The following ZFC3H1 variants were observed in gnomAD, a reference collection of about 807,000 sequenced individuals.
The protein encoded by ZFC3H1 is zinc finger C3H1-type containing.
Under a neutral mutation model 243.7 loss-of-function variants are expected in ZFC3H1, and 71 were observed. The observed-to-expected ratio is 0.29, with a 90% confidence interval of 0.24 to 0.36. ZFC3H1 has a LOEUF of 0.36. Ranked by LOEUF, ZFC3H1 falls within the 10% of genes least tolerant of loss-of-function variation. The pLI, the probability that ZFC3H1 is intolerant of heterozygous loss-of-function variation, is 1.00. For missense variants in ZFC3H1, 1,966 were observed against 2,317.1 expected (o/e 0.85, Z 3.11); for synonymous variants, 838 against 813.0 (o/e 1.03, Z -0.52).
At chr12:71,631,661 T>C in intron 16 of ZFC3H1, 117 bp downstream of exon 16, 1 of 863,286 alleles carries the variant, frequency 1.2e-6, no homozygotes, top group Non-Finnish European at 1.7e-6. Flanking sequence ...AGGGTAAGTC[T>C]GGTTATCAAT....
Position 71,657,672 on chromosome 12 carries a change from C to T in ZFC3H1, c.599-371G>A, listed in dbSNP as rs146376176. ...GAAGGAAGAGGGGAGAAACTGAATG[C>T]TTTGTCACAGATGCGGATAGTTTAC... is the stretch of plus-strand genomic sequence containing the variant. On this transcript the variant is annotated intron_variant, in intron 1 of 34. Transcript: ENST00000378743. Among the ~76,000 whole-genome samples the T allele has an allele frequency of 1.6e-3, 250 of 152,226 alleles. 1 individual carries two copies. Among genetic ancestry groups the T allele is most frequent in the Non-Finnish European group, 2.9e-3 (194 of 68,010 alleles).
chr12:71,658,282 ATTTTTTT>A (rs11454442), intron 1 of ZFC3H1, among the ~76,000 whole-genome samples: 7 of 92,800 alleles, frequency 7.5e-5, no homozygotes, highest in African/African-American at 1.8e-4. Flanking sequence ...TCATTTATAG[ATTTTTTT>A]TTTTTTTTTT....
chr12:71,631,354 A>T (rs925664421), intron 16 of ZFC3H1, among the ~76,000 whole-genome samples: 4 of 152,132 alleles, frequency 2.6e-5, no homozygotes, highest in African/African-American at 9.6e-5. Context: ...ACATTCTCAC[A>T]ACTTTTAAAA....
At chr12:71,626,475 G>A in intron 21 of ZFC3H1, 29 bp from the exon 22 acceptor site, 2 of 1,549,424 alleles carry the variant, frequency 1.3e-6, no homozygotes, top group Non-Finnish European at 1.7e-6. Flanking sequence ...AGGTGGAAGT[G>A]CTTTTTAGAA....
Position 71,609,846 on chromosome 12 carries a change from G to C in ZFC3H1, c.*582C>G, listed in dbSNP as rs937319283. The C allele has an allele frequency of 2.0e-5, 3 of 152,562 alleles. No homozygotes were observed. Among genetic ancestry groups the C allele is most frequent in the African/African-American group, 7.2e-5 (3 of 41,422 alleles). The allele number at this position is 152,562 out of a possible 1,614,324, so 9.5% of individuals were successfully genotyped here. ...GTCTCGGCAAGGAGTCCAGAACGTAGAAAGGGTAATAAACAACCCTGATAG... is the reference window on the plus strand; with the variant it reads ...GTCTCGGCAAGGAGTCCAGAACGTACAAAGGGTAATAAACAACCCTGATAG... On this transcript the variant is annotated 3_prime_UTR_variant, in exon 35 of 35. Transcript: ENST00000378743.
rs781656363 is a variant in ZFC3H1 at position 71,644,171 on chromosome 12, C to T, written c.1427G>A (p.Arg476Gln). Residue 476 changes from arginine (R) to glutamine (Q), a missense_variant, in exon 5 of 35, where the codon CGA (arginine) becomes CAA (glutamine). By Grantham distance (43) the Arg-to-Gln change is conservative. Transcript: ENST00000378743. The part of the protein sequence containing the change: ...RKREEEIRKI[R>Q]DLSNQEEQYN... The stretch of plus-strand genomic sequence containing the variant: ...CTGTTCTTCCTGATTTGAGAGATCT[C>T]GAATTTTTCTGATTTCTTCCTCTCT... The T allele has an allele frequency of 6.2e-7, 1 of 1,613,734 alleles. No individual in the cohort carries two copies. Among genetic ancestry groups the T allele is most frequent in the Non-Finnish European group, 8.5e-7 (1 of 1,179,850 alleles).
At chr12:71,642,080 C>T (rs1352327169) in intron 6 of ZFC3H1, among the ~76,000 whole-genome samples, 2 of 152,154 alleles carry the variant, frequency 1.3e-5, no homozygotes, top group Non-Finnish European at 2.9e-5. Context: ...CAACTCCCGG[C>T]CTCAAGCAAT....
chr12:71,638,515 G>A lies in ZFC3H1; in HGVS notation c.1628C>T (p.Ala543Val). Reference protein sequence around the residue: ...MDTDSETSSPAPSPVQPPFFS... With the variant: ...MDTDSETSSPVPSPVQPPFFS... ...AAATGGCGGTTGCACTGGTGAAGGA[G>A]CTGTAAAAAAATTTTTTGTTAAGAG... is the stretch of plus-strand genomic sequence containing the variant. The change falls in exon 7 of 35, where the codon GCT (alanine) becomes GTT (valine). Residue 543 changes from alanine (A) to valine (V), a missense_variant and splice_region_variant. Physicochemically the swap from Ala to Val is moderately conservative, Grantham distance 64 (BLOSUM62 0). This residue lies in a region of ZFC3H1 where 1,383 missense variants were observed against 1,723.7 expected (regional missense o/e 0.80). Coordinates refer to ENST00000378743, the MANE Select transcript of ZFC3H1 (RefSeq NM_144982.5). 6.3e-7 allele frequency: 1 copy of A among 1,595,806 alleles called. No homozygotes were observed. The highest frequency in any genetic ancestry group is 8.5e-7 in the Non-Finnish European group (1 of 1,174,932).
At chr12:71,656,301 A>G in intron 2 of ZFC3H1, 1 of 365,752 alleles carries the variant, frequency 2.7e-6, no homozygotes, top group East Asian at 4.1e-5. Flanking sequence ...TATAAATTAT[A>G]TCTTAATAAA....
At chr12:71,642,663 G>A (rs1458498257) in intron 5 of ZFC3H1, 104 bp from the exon 6 acceptor site, 4 of 1,358,806 alleles carry the variant, frequency 2.9e-6, no homozygotes, top group Non-Finnish European at 4.0e-6. Context: ...CAAAAATCAT[G>A]GTGATTCAGT....
chr12:71,656,852 G>A, intron 2 of ZFC3H1, 33 bp downstream of exon 2: 1 of 1,568,772 alleles, frequency 6.4e-7, no homozygotes, highest in South Asian at 1.2e-5. Flanking sequence ...AGGAAGAAGA[G>A]TCATTACTAA....
intron 31 of ZFC3H1, 50 bp downstream of exon 31, chr12:71,613,285 G>T: frequency 7.8e-7 from 1 of 1,276,350 alleles, no homozygotes; most frequent in Non-Finnish European, 1.1e-6. Flanking sequence ...CTTATATAAA[G>T]AGCCTATTCC....
rs781560845 is a variant in ZFC3H1, at chr12:71,636,844, A to T, written c.1935+6T>A. 6 of 1,613,652 alleles carry T rather than the reference A, an allele frequency of 3.7e-6. No individual in the cohort carries two copies. Among genetic ancestry groups the T allele is most frequent in the Non-Finnish European group, 5.1e-6 (6 of 1,179,866 alleles). Reference sequence around the variant, plus strand: ...CACCACCTAGAGGTTTAGGTACCTAAATTACCTCTGGCTTAAAAGCTCTTT... The same window carrying T: ...CACCACCTAGAGGTTTAGGTACCTATATTACCTCTGGCTTAAAAGCTCTTT... On this transcript the variant is annotated splice_donor_region_variant and intron_variant, in intron 8 of 34. Coordinates refer to ENST00000378743, the MANE Select transcript of ZFC3H1 (RefSeq NM_144982.5).
chr12:71,639,120 C>G (rs954300083), intron 6 of ZFC3H1, among the ~76,000 whole-genome samples: 4 of 152,102 alleles, frequency 2.6e-5, no homozygotes, highest in African/African-American at 7.2e-5. Flanking sequence ...TCCTTGGTAG[C>G]AGATAAAAAT....
intron 31 of ZFC3H1, among the ~76,000 whole-genome samples, chr12:71,612,489 C>T (rs1181239597): frequency 2.0e-5 from 3 of 152,068 alleles, no homozygotes; most frequent in Admixed American, 6.6e-5. Flanking sequence ...TCATAATTAA[C>T]ATTTCTGTAA....
At chr12:71,628,193 G>GAC (rs1407486339) in intron 20 of ZFC3H1, among the ~76,000 whole-genome samples, 4 of 152,166 alleles carry the variant, frequency 2.6e-5, no homozygotes, top group Non-Finnish European at 4.4e-5. Context: ...AAGGCTAAGT[G>GAC]ACATTACCTT....
At chr12:71,620,412 T>C (rs1879996890) in intron 24 of ZFC3H1, 97 bp from the exon 25 acceptor site, 1 of 1,238,664 alleles carries the variant, frequency 8.1e-7, no homozygotes, top group Non-Finnish European at 1.2e-6. Context: ...TGGGAAAAGA[T>C]GACCCCTCCC....
At position 71,613,382 on chromosome 12, in the gene ZFC3H1, C is replaced by T. The variant is rs2137512534; in HGVS notation, c.5580G>A (p.Leu1860=). ...CVPKTQHSKT[L]ERFCSVMPAN... ...CTGGCATAACTGAACAAAACCGTTC[C>T]AAGGTTTTGGAATGCTGGGTCTTTG... The change falls in exon 31 of 35, where the codon TTG becomes TTA. Residue 1860 remains leucine (L), a synonymous_variant. Coordinates refer to ENST00000378743, the MANE Select transcript of ZFC3H1 (RefSeq NM_144982.5). The T allele has an allele frequency of 6.2e-7, 1 of 1,609,936 alleles. No individual in the cohort carries two copies. Among genetic ancestry groups the T allele is most frequent in the East Asian group, 2.2e-5 (1 of 44,742 alleles).
chr12:71,638,829 A>G (rs1307541022), intron 6 of ZFC3H1, among the ~76,000 whole-genome samples: 1 of 150,556 alleles, frequency 6.6e-6, no homozygotes, highest in African/African-American at 2.5e-5. Context: ...AAAAACAAAC[A>G]AAAAAAAACA....
Sources: gnomAD v4.1 joint callset for allele counts (sites outside exome capture counted in the v4.1 genomes callset) on GRCh38, gnomAD v4.1.1 for gene constraint, gnomAD v4.1.1 regional missense constraint, MANE v1.5 for transcripts, NCBI Gene and HGNC (gene_info 2026-07-23, HGNC 2026-07-21) for gene names.